PRTG: variants seen among roughly 807,000 people sequenced by gnomAD.
PRTG encodes immunoglobulin superfamily, DCC subclass, member 5.
PRTG carries 67 observed loss-of-function variants against 122.5 expected under a neutral mutation model. That is an observed-to-expected ratio of 0.55 (90% CI 0.45 to 0.67). The LOEUF (loss-of-function observed/expected upper bound fraction) is 0.67, where lower values mean the gene tolerates loss of function less well. Among genes scored for constraint, PRTG ranks in the 30% least tolerant of loss-of-function variants. PRTG has a pLI of 0.00. For missense variants in PRTG, 1,435 were observed against 1,415.4 expected, an observed-to-expected ratio of 1.01 and a Z score of -0.22; for synonymous variants, 554 against 501.1, an observed-to-expected ratio of 1.11 and a Z score of -1.41.
At chr15:55,700,041 T>C (rs1473849623) in intron 2 of PRTG, among the ~76,000 whole-genome samples, 2 of 152,142 alleles carry the variant, frequency 1.3e-5, no homozygotes, top group Admixed American at 6.5e-5. Context: ...ATTTCAAGAA[T>C]TAAAATGATT....
In PRTG at chr15:55,673,494, G is replaced by T; in HGVS notation, c.1729C>A (p.Leu577Ile). 1 of 1,614,132 alleles carries T rather than the reference G, an allele frequency of 6.2e-7. No homozygotes were observed. Among genetic ancestry groups the T allele is most frequent in the Non-Finnish European group, 8.5e-7 (1 of 1,180,036 alleles). Residue 577 changes from leucine to isoleucine, a missense_variant, in exon 10 of 20, where the codon CTT (leucine) becomes ATT (isoleucine). By Grantham distance (5) the Leu-to-Ile change is conservative. Coordinates refer to ENST00000389286, the MANE Select transcript of PRTG (RefSeq NM_173814.6). Reference sequence around the variant, plus strand: ...CTGTCAGGTTTCAGGCCTTCCAAAAGGTACTCATGCGTGGTCCCCGGGAGC... The same window carrying T: ...CTGTCAGGTTTCAGGCCTTCCAAAATGTACTCATGCGTGGTCCCCGGGAGC... ...LELPGTTHEY[L>I]LEGLKPDSVY...
At chr15:55,696,835 A>C (rs2059634575) in intron 2 of PRTG, among the ~76,000 whole-genome samples, 1 of 152,202 alleles carries the variant, frequency 6.6e-6, no homozygotes, top group Admixed American at 6.5e-5. Flanking sequence ...GCCATGAAAT[A>C]CATTTTGCTT....
At chr15:55,687,093 C>A (rs768506073) in intron 2 of PRTG, among the ~76,000 whole-genome samples, 2 of 152,168 alleles carry the variant, frequency 1.3e-5, no homozygotes, top group African/African-American at 2.4e-5. Context: ...GCAGATTTGG[C>A]ACTAAAAAAA....
At chr15:55,644,383 C>A (rs763257265) in intron 11 of PRTG, among the ~76,000 whole-genome samples, 3 of 152,100 alleles carry the variant, frequency 2.0e-5, no homozygotes, top group Admixed American at 2.0e-4. Flanking sequence ...TTCTACCATG[C>A]AAACAACTTC....
Position 55,613,974 on chromosome 15 carries a change from T to C in PRTG, c.*6038A>G, listed in dbSNP as rs997384923. The C allele has an allele frequency of 6.6e-5, 10 of 152,086 alleles. No individual in the cohort carries two copies. Among genetic ancestry groups the C allele is most frequent in the Non-Finnish European group, 1.3e-4 (9 of 67,948 alleles). The allele number at this position is 152,086 out of a possible 1,614,324, so 9.4% of individuals were successfully genotyped here. On this transcript the variant is annotated 3_prime_UTR_variant, in exon 20 of 20. Transcript: ENST00000389286. Reference sequence around the variant, plus strand: ...CAGTTTGCAGAGATGAACCATGTGCTTGGCACACTGTAGATGCTCAACAAA... The same window carrying C: ...CAGTTTGCAGAGATGAACCATGTGCCTGGCACACTGTAGATGCTCAACAAA...
chr15:55,737,976 T>TTCTCTCTCTCTCTCTCTCTCTCTC (rs376933626), intron 2 of PRTG, among the ~76,000 whole-genome samples: 1 of 91,810 alleles, frequency 1.1e-5, no homozygotes, highest in African/African-American at 4.8e-5. Context: ...TTAATGCCTA[T>TTCTCTCTCTCTCTCTCTCTCTCTC]TCTCTCTCTC....
At chr15:55,654,534 C>T (rs9920546) in intron 11 of PRTG, among the ~76,000 whole-genome samples, 69,684 of 151,980 alleles carry the variant, frequency 0.46, 19,277 homozygotes, top group Non-Finnish European at 0.64. Context: ...CATCAGAAAA[C>T]GAAATAAATT....
chr15:55,679,392 T>G lies in PRTG; in HGVS notation c.1027A>C (p.Thr343Pro). 3.7e-6 allele frequency: 6 copies of G among 1,613,026 alleles called. No homozygotes were observed. The highest frequency in any genetic ancestry group is 3.4e-6 in the Non-Finnish European group (4 of 1,179,162). ...PESLTRPRAGTARFVCQAEGI... is the reference protein window; with the variant it reads ...PESLTRPRAGPARFVCQAEGI... ...TCTGCCTGACACACAAATCGAGCAG[T>G]GCCAGCTCGAGGCCTTGTTAAACTT... The change falls in exon 7 of 20, where the codon ACT becomes CCT. Residue 343 changes from threonine (T) to proline (P), a missense_variant. Transcript: ENST00000389286.
intron 11 of PRTG, among the ~76,000 whole-genome samples, chr15:55,662,721 T>C (rs1034457169): frequency 6.6e-6 from 1 of 152,194 alleles, no homozygotes; most frequent in African/African-American, 2.4e-5. Flanking sequence ...AAGTTTCACA[T>C]AGTAAGAGAA....
At position 55,620,715 on chromosome 15, in the gene PRTG, G is replaced by T; in HGVS notation, c.3146C>A (p.Ser1049Tyr). ...TTGGAAAAAAAACCACTTTTTCTTA[G>T]AGTTGTTTTTAATTATAGGACCATA... ...NSYGPIIKNN[S>Y]KKKWFFFQDS... Residue 1049 changes from serine to tyrosine, a missense_variant, in exon 19 of 20, where the codon TCT (serine) becomes TAT (tyrosine). By Grantham distance (144) the Ser-to-Tyr change is moderately radical. Transcript: ENST00000389286. 1 of 1,602,198 alleles carries T rather than the reference G, an allele frequency of 6.2e-7. No individual in the cohort carries two copies. The highest frequency in any genetic ancestry group is 1.1e-5 in the South Asian group (1 of 87,512).
At chr15:55,675,201 A>G (rs1014165185) in intron 9 of PRTG, among the ~76,000 whole-genome samples, 1 of 152,134 alleles carries the variant, frequency 6.6e-6, no homozygotes, top group African/African-American at 2.4e-5. Flanking sequence ...AATATGTAAC[A>G]GTCATTACAG....
chr15:55,664,925 A>G (rs965354001), intron 11 of PRTG, among the ~76,000 whole-genome samples: 8 of 151,478 alleles, frequency 5.3e-5, no homozygotes, highest in Non-Finnish European at 1.0e-4. Flanking sequence ...CTCCTAGACA[A>G]TGTCTTCACG....
intron 6 of PRTG, 198 bp from the exon 7 acceptor site, chr15:55,679,643 C>G (rs2059525973): frequency 2.0e-6 from 1 of 507,388 alleles, no homozygotes; most frequent in South Asian, 3.1e-5. Context: ...CATGATTTCC[C>G]TATTCAGAGC....
In PRTG at chr15:55,695,940, C is replaced by T. The variant is rs560360748; in HGVS notation, c.398-12009G>A. 3.3e-5 allele frequency among the ~76,000 whole-genome samples: 5 copies of T among 152,124 alleles called. No homozygotes were observed. The East Asian group carries it at 9.7e-4, about 29-fold the overall frequency. ...GAGCCGAGATTGCACCATTGCACTC[C>T]AACCTTGGTGACAGTGTGAGACCCC... On this transcript the variant is annotated intron_variant, in intron 2 of 19. Transcript: ENST00000389286.
chr15:55,644,862 A>C lies in PRTG; in HGVS notation c.2042-3654T>G, dbSNP rs532182021. 2.0e-5 allele frequency among the ~76,000 whole-genome samples: 3 copies of C among 152,324 alleles called. No homozygotes were observed. In the East Asian group the frequency reaches 5.8e-4, roughly 29 times the overall value. ...TAGGACATACTATATGGAAAAAATA[A>C]AGGAGTGAGAAACCCCACTTACATT... On this transcript the variant is annotated intron_variant, in intron 11 of 19. Coordinates refer to ENST00000389286, the MANE Select transcript of PRTG (RefSeq NM_173814.6).
At chr15:55,732,829 T>G (rs1270113270) in intron 2 of PRTG, among the ~76,000 whole-genome samples, 1 of 152,086 alleles carries the variant, frequency 6.6e-6, no homozygotes, top group East Asian at 1.9e-4. Context: ...ATGTATTATG[T>G]GTGTGAAAAA....
At chr15:55,620,338 C>A in intron 19 of PRTG, 72 bp from the exon 20 acceptor site, 8 of 1,569,750 alleles carry the variant, frequency 5.1e-6, no homozygotes, top group Non-Finnish European at 6.9e-6. Context: ...CTCATCAGGT[C>A]CCCACAGACA....
At chr15:55,692,376 G>C (rs1490919468) in intron 2 of PRTG, among the ~76,000 whole-genome samples, 1 of 152,170 alleles carries the variant, frequency 6.6e-6, no homozygotes, top group Non-Finnish European at 1.5e-5. Flanking sequence ...GCACAAAAGA[G>C]ACACTGTACA....
intron 11 of PRTG, among the ~76,000 whole-genome samples, chr15:55,646,354 G>C (rs1000696090): frequency 6.8e-5 from 10 of 146,214 alleles, no homozygotes; most frequent in African/African-American, 2.3e-4. Context: ...ACGGAGTCTT[G>C]CTCTGTCGCC....
Sources: gnomAD v4.1 joint callset for allele counts (sites outside exome capture counted in the v4.1 genomes callset) on GRCh38, gnomAD v4.1.1 for gene constraint, MANE v1.5 for transcripts, NCBI Gene and HGNC (gene_info 2026-07-23, HGNC 2026-07-21) for gene names.